COL22A1: variants seen among roughly 807,000 people sequenced by gnomAD.
COL22A1 encodes the protein collagen type XXII alpha 1 chain.
COL22A1 carries 221 observed loss-of-function variants against 248.9 expected under a neutral mutation model. That is an observed-to-expected ratio of 0.89 (90% CI 0.80 to 0.99). The LOEUF (loss-of-function observed/expected upper bound fraction) is 0.99, where lower values mean the gene tolerates loss of function less well. Ranked by LOEUF, COL22A1 falls within the 50% of genes least tolerant of loss-of-function variation. The pLI, the probability that COL22A1 is intolerant of heterozygous loss-of-function variation, is 0.00. For missense variants in COL22A1, 2,240 were observed against 2,179.0 expected (o/e 1.03, Z -0.56); for synonymous variants, 891 against 793.4 (o/e 1.12, Z -2.07).
chr8:138,852,547 T>C (rs1399204999), intron 3 of COL22A1, among the ~76,000 whole-genome samples: 1 of 152,072 alleles, frequency 6.6e-6, no homozygotes, highest in Non-Finnish European at 1.5e-5. Flanking sequence ...ATTTCAAGGC[T>C]TGGGGCCCAG....
At chr8:138,779,398 G>C (rs1814751255) in intron 14 of COL22A1, 111 bp downstream of exon 14, 3 of 690,692 alleles carry the variant, frequency 4.3e-6, no homozygotes, top group Admixed American at 2.3e-5. Context: ...TATATGAGAA[G>C]AGGGGCAGGG....
chr8:138,596,823 T>C, intron 62 of COL22A1, 81 bp downstream of exon 62: 1 of 1,302,436 alleles, frequency 7.7e-7, no homozygotes, highest in Non-Finnish European at 1.1e-6. Flanking sequence ...TATTCCAGGA[T>C]GCAAAAGCAT....
chr8:138,589,494 G>C, intron 64 of COL22A1, 54 bp from the exon 65 acceptor site: 1 of 1,367,928 alleles, frequency 7.3e-7, no homozygotes, highest in Non-Finnish European at 9.7e-7. Flanking sequence ...TCTGGGAGGG[G>C]ATGGGCCCTG....
chr8:138,865,670 T>A (rs540807174), intron 3 of COL22A1, among the ~76,000 whole-genome samples: 2 of 151,598 alleles, frequency 1.3e-5, no homozygotes, highest in Non-Finnish European at 2.9e-5. Flanking sequence ...TGTATAGGTA[T>A]GCCTGTGAGT....
intron 25 of COL22A1, among the ~76,000 whole-genome samples, chr8:138,722,475 T>C (rs983173562): frequency 1.2e-4 from 19 of 152,330 alleles, no homozygotes; most frequent in Non-Finnish European, 1.9e-4. Context: ...CTTTTTGCCA[T>C]CTTGTATCTT....
At chr8:138,900,918 G>A (rs2132155331) in intron 1 of COL22A1, among the ~76,000 whole-genome samples, 1 of 152,260 alleles carries the variant, frequency 6.6e-6, no homozygotes, top group African/African-American at 2.4e-5. Flanking sequence ...AAAAAGCAGG[G>A]TCATGTGATA....
chr8:138,781,688 G>A (rs1163978590), intron 12 of COL22A1, among the ~76,000 whole-genome samples: 3 of 152,110 alleles, frequency 2.0e-5, no homozygotes, highest in African/African-American at 7.2e-5. Context: ...GAAGGCTGGG[G>A]CAGGGAATTT....
intron 1 of COL22A1, among the ~76,000 whole-genome samples, chr8:138,885,918 C>G (rs1019644338): frequency 1.3e-5 from 2 of 152,274 alleles, no homozygotes; most frequent in South Asian, 4.1e-4. Flanking sequence ...AGATTTATGG[C>G]CCTGTGCTGG....
At chr8:138,702,634 A>G (rs1828059829) in intron 31 of COL22A1, among the ~76,000 whole-genome samples, 1 of 152,160 alleles carries the variant, frequency 6.6e-6, no homozygotes, top group African/African-American at 2.4e-5. Flanking sequence ...AAGAAAAAGA[A>G]AAATGTGCTC....
intron 31 of COL22A1, among the ~76,000 whole-genome samples, chr8:138,702,665 G>A (rs1408283187): frequency 1.3e-5 from 2 of 151,834 alleles, no homozygotes; most frequent in African/African-American, 4.8e-5. Context: ...GTTCTTGGGA[G>A]TAAGATAAAT....
intron 9 of COL22A1, 53 bp from the exon 10 acceptor site, chr8:138,807,865 C>T (rs1269991090): frequency 1.9e-6 from 3 of 1,565,944 alleles, no homozygotes; most frequent in South Asian, 1.1e-5. Context: ...TTTTCCCTTT[C>T]TCTCAACACT....
intron 21 of COL22A1, 32 bp from the exon 22 acceptor site, chr8:138,751,543 G>C (rs371230811): frequency 1.3e-6 from 2 of 1,518,416 alleles, no homozygotes; most frequent in Non-Finnish European, 1.8e-6. Context: ...AAAAGAGAGA[G>C]AAACATAATG....
At chr8:138,832,182 C>A (rs974391392) in intron 5 of COL22A1, among the ~76,000 whole-genome samples, 1 of 152,072 alleles carries the variant, frequency 6.6e-6, no homozygotes, top group Non-Finnish European at 1.5e-5. Context: ...ATAATCCACC[C>A]TTTGTTTAGC....
chr8:138,648,885 GAGAAA>G (rs1381258318), intron 46 of COL22A1, among the ~76,000 whole-genome samples: 1 of 152,124 alleles, frequency 6.6e-6, no homozygotes, highest in Non-Finnish European at 1.5e-5. Context: ...TGCTTATCTT[GAGAAA>G]ATGTCTGTAA....
chr8:138,760,697 G>C (rs1428188840), intron 17 of COL22A1, among the ~76,000 whole-genome samples: 1 of 152,172 alleles, frequency 6.6e-6, no homozygotes, highest in African/African-American at 2.4e-5. Flanking sequence ...AGGCACCAGG[G>C]AAGAGGGAAG....
intron 26 of COL22A1, among the ~76,000 whole-genome samples, chr8:138,721,282 C>T (rs568932719): frequency 1.1e-4 from 17 of 152,154 alleles, no homozygotes; most frequent in Admixed American, 4.6e-4. Flanking sequence ...TCAACAGTTG[C>T]CTTTCCAAGT....
Position 138,649,714 on chromosome 8 carries a change from T to C in COL22A1, c.3398A>G (p.Asp1133Gly), listed in dbSNP as rs761606988. 6.2e-6 allele frequency: 10 copies of C among 1,613,394 alleles called. No homozygotes were observed. The East Asian group carries it at 2.0e-4, about 32-fold the overall frequency. ...GLPGLPGFKGDKGVPGKPGRE... is the reference protein window; with the variant it reads ...GLPGLPGFKGGKGVPGKPGRE... ...CCCTGGCTTTCCTGGGACACCTTTG[T>C]CCCCTTTAAAACCTGGTAGACCAGG... Residue 1133 changes from aspartate (D) to glycine (G), a missense_variant, in exon 46 of 65, where the codon GAC becomes GGC. Physicochemically the swap from Asp to Gly is moderately conservative, Grantham distance 94. Coordinates refer to ENST00000303045, the MANE Select transcript of COL22A1 (RefSeq NM_152888.3).
intron 7 of COL22A1, among the ~76,000 whole-genome samples, chr8:138,818,416 C>T (rs1025888563): frequency 3.3e-5 from 5 of 152,156 alleles, no homozygotes; most frequent in African/African-American, 9.7e-5. Flanking sequence ...TGTTTGTGAC[C>T]GTGATGCACA....
intron 54 of COL22A1, among the ~76,000 whole-genome samples, chr8:138,616,572 C>T (rs1197462374): frequency 6.6e-6 from 1 of 152,172 alleles, no homozygotes; most frequent in East Asian, 1.9e-4. Context: ...TCACCCATGT[C>T]CTCTGGGCCT....
Sources: allele counts gnomAD v4.1 joint callset (sites outside exome capture counted in the v4.1 genomes callset), GRCh38; gene constraint gnomAD v4.1.1; transcripts MANE v1.5; gene names NCBI Gene and HGNC (gene_info 2026-07-23, HGNC 2026-07-21).